Variants in POLRMT observed in about 807,000 individuals in gnomAD.
POLRMT encodes the protein RNA polymerase mitochondrial, also known as DNA-directed RNA polymerase, mitochondrial.
Under a neutral mutation model 132.2 loss-of-function variants are expected in POLRMT, and 114 were observed. That is an observed-to-expected ratio of 0.86 (90% CI 0.74 to 1.01). The LOEUF (loss-of-function observed/expected upper bound fraction) is 1.01. POLRMT is among the 50% of genes least tolerant of loss of function. POLRMT has a pLI of 0.00. For synonymous variants in POLRMT, 1,020 were observed against 773.4 expected (o/e 1.32, Z -5.29); for missense variants, 2,003 against 1,729.1 (o/e 1.16, Z -2.81).
At chr19:620,216 C>T in intron 11 of POLRMT, 136 bp from the exon 12 acceptor site, 1 of 1,457,984 alleles carries the variant, frequency 6.9e-7, no homozygotes, top group African/African-American at 1.4e-5. Flanking sequence ...CCGCACGCTC[C>T]CGGGAGAGAC....
Position 621,730 on chromosome 19 carries a change from T to G in POLRMT, c.1968A>C (p.Thr656=), listed in dbSNP as rs554189114. 6.3e-7 allele frequency: 1 copy of G among 1,599,184 alleles called. No homozygotes were observed. Among genetic ancestry groups the G allele is most frequent in the Non-Finnish European group, 8.5e-7 (1 of 1,178,284 alleles). Residue 656 remains threonine (T), a synonymous_variant, in exon 10 of 21, where the codon ACA becomes ACC. Transcript: ENST00000588649. ...GCAGGAAAGCACCAGAGTGCGGCGA[T>G]GTCCAGGGCAGCGGGGGGCAAAGCA... is the stretch of plus-strand genomic sequence containing the variant. The part of the protein sequence containing the change: ...VPMLCPPLPW[T]SPHSGAFLLS...
intron 8 of POLRMT, 44 bp downstream of exon 8, chr19:622,538 C>A (rs1330242232): frequency 6.5e-7 from 1 of 1,547,834 alleles, no homozygotes; most frequent in East Asian, 2.3e-5. Flanking sequence ...GAGCGCCCAC[C>A]CACCACTGGC....
chr19:629,462 G>A (rs1400678213), intron 3 of POLRMT, 78 bp downstream of exon 3: 2 of 1,348,024 alleles, frequency 1.5e-6, no homozygotes, highest in Non-Finnish European at 1.9e-6. Context: ...GGCTAAGAGA[G>A]AAAAGTCCAG....
chr19:617,524 G>A (rs745384049), intron 19 of POLRMT, 44 bp from the exon 20 acceptor site: 13 of 1,605,644 alleles, frequency 8.1e-6, no homozygotes, highest in Non-Finnish European at 1.1e-5. Context: ...GCCAGGTTTT[G>A]GGGTGGGGGG....
At position 624,798 on chromosome 19, in the gene POLRMT, A is replaced by G. The variant is rs765173392; in HGVS notation, c.1061T>C (p.Val354Ala). 1.2e-6 allele frequency: 2 copies of G among 1,613,408 alleles called. No homozygotes were observed. Among genetic ancestry groups the G allele is most frequent in the Admixed American group, 1.7e-5 (1 of 60,022 alleles). ...RATVLKAVHK[V>A]KPTFSLPPQL... ...CGGCGGGAGGCTGAAGGTGGGCTTC[A>G]CCTTGTGCACGGCCTTCAGAACAGT... The change falls in exon 5 of 21, where the codon GTG (valine) becomes GCG (alanine). Residue 354 changes from valine (V) to alanine (A), a missense_variant. Val to Ala is a moderately conservative substitution (Grantham distance 64, BLOSUM62 0). Coordinates refer to ENST00000588649, the MANE Select transcript of POLRMT (RefSeq NM_005035.4).
chr19:621,151 C>T lies in POLRMT; in HGVS notation c.2547G>A (p.Thr849=), dbSNP rs759825227. The change falls in exon 10 of 21, where the codon ACG becomes ACA. Residue 849 remains threonine (T), a synonymous_variant. Transcript: ENST00000588649. Reference sequence around the variant, plus strand: ...GCAGCGGCTCCCGCTTCTTCAACCCCGTGAGATTGACCAGGTGGATCTTGA... The same window carrying T: ...GCAGCGGCTCCCGCTTCTTCAACCCTGTGAGATTGACCAGGTGGATCTTGA... ...DWLKIHLVNL[T]GLKKREPLRK... is the part of the protein sequence containing the mutation. The T allele has an allele frequency of 3.1e-6, 5 of 1,610,908 alleles. No homozygotes were observed. The highest frequency in any genetic ancestry group is 1.7e-5 in the Admixed American group (1 of 59,918).
intron 3 of POLRMT, among the ~76,000 whole-genome samples, chr19:628,456 C>G (rs1397987228): frequency 2.0e-5 from 3 of 152,344 alleles, no homozygotes; most frequent in Middle Eastern, 3.4e-3. Context: ...AGACTGGCCC[C>G]ACCTGATCCT....
chr19:625,074 A>G, intron 4 of POLRMT, 50 bp downstream of exon 4: 1 of 1,579,730 alleles, frequency 6.3e-7, no homozygotes, highest in Non-Finnish European at 8.6e-7. Context: ...AGATCTTAAA[A>G]CCCTGGGAGG....
rs771984925 is a variant in POLRMT at position 621,310 on chromosome 19, C to T, written c.2388G>A (p.Leu796=). The T allele has an allele frequency of 1.9e-6, 3 of 1,599,856 alleles. No homozygotes were observed. Among genetic ancestry groups the T allele is most frequent in the Non-Finnish European group, 2.5e-6 (3 of 1,177,162 alleles). ...AQHLRDRVFW[L]PHNMDFRGRT... The stretch of plus-strand genomic sequence containing the variant: ...GGCCGCGGAAGTCCATGTTGTGCGG[C>T]AGCCAGAAGACGCGGTCCCGCAGGT... Residue 796 remains leucine (L), a synonymous_variant, in exon 10 of 21, where the codon CTG becomes CTA. Coordinates refer to ENST00000588649, the MANE Select transcript of POLRMT (RefSeq NM_005035.4).
chr19:617,425 T>C lies in POLRMT; in HGVS notation c.3637A>G (p.Lys1213Glu). 1 of 1,611,724 alleles carries C rather than the reference T, an allele frequency of 6.2e-7. No homozygotes were observed. The highest frequency in any genetic ancestry group is 8.5e-7 in the Non-Finnish European group (1 of 1,179,666). ...AGGCTGCCCACCCGCCTACCTGGCT[T>C]GGGCACCGCCTGCAGTGTCTCCTTC... is the stretch of plus-strand genomic sequence containing the variant. The part of the protein sequence containing the change: ...QLKETLQAVP[K>E]PGAFDLEQVK... Residue 1213 changes from lysine to glutamate, a missense_variant, in exon 20 of 21, where the codon AAG (lysine) becomes GAG (glutamate). Coordinates refer to ENST00000588649, the MANE Select transcript of POLRMT (RefSeq NM_005035.4).
Position 622,989 on chromosome 19 carries a change from C to T in POLRMT, c.1291-4G>A, listed in dbSNP as rs371924872. The T allele has an allele frequency of 2.7e-5, 44 of 1,611,590 alleles. No individual in the cohort carries two copies. In the African/African-American group the frequency reaches 3.3e-4, roughly 12 times the overall value. The stretch of plus-strand genomic sequence containing the variant: ...GCAGGGTCTTCAGGGTCTTCCGCTG[C>T]GGGGGATGAACGGGCCCGGTGAGCC... On this transcript the variant is annotated splice_region_variant and splice_polypyrimidine_tract_variant and intron_variant, in intron 6 of 20. Coordinates refer to ENST00000588649, the MANE Select transcript of POLRMT (RefSeq NM_005035.4).
intron 12 of POLRMT, 81 bp from the exon 13 acceptor site, chr19:619,846 C>T: frequency 6.4e-7 from 1 of 1,559,172 alleles, no homozygotes; most frequent in Non-Finnish European, 8.7e-7. Flanking sequence ...AGCCCCCGCC[C>T]CAGCCCCACC....
At chr19:618,378 C>A (rs1459170819) in intron 17 of POLRMT, 110 bp downstream of exon 17, 4 of 832,392 alleles carry the variant, frequency 4.8e-6, no homozygotes, top group Non-Finnish European at 7.5e-6. Flanking sequence ...AGCAGATCCA[C>A]TCTGCCCAGT....
chr19:623,197 A>C (rs781595330), intron 6 of POLRMT, among the ~76,000 whole-genome samples: 35 of 152,244 alleles, frequency 2.3e-4, no homozygotes, highest in Non-Finnish European at 4.4e-4. Flanking sequence ...GTGTGCGCAG[A>C]AGCACAGGCC....
At chr19:624,343 A>T (rs1984862339) in intron 5 of POLRMT, among the ~76,000 whole-genome samples, 1 of 151,934 alleles carries the variant, frequency 6.6e-6, no homozygotes, top group Non-Finnish European at 1.5e-5. Flanking sequence ...ACATTCTAGA[A>T]TTAGACAACC....
At chr19:627,214 C>T (rs375380812) in intron 3 of POLRMT, among the ~76,000 whole-genome samples, 6 of 145,190 alleles carry the variant, frequency 4.1e-5, no homozygotes, top group African/African-American at 1.3e-4. Flanking sequence ...TGCAGTGGCT[C>T]GATCTCGGCT....
chr19:618,235 C>A (rs1033986987), intron 17 of POLRMT: 2 of 552,592 alleles, frequency 3.6e-6, no homozygotes, highest in Non-Finnish European at 6.5e-6. Context: ...CATCGCGGTG[C>A]CAAGAAATGC....
At chr19:619,554 A>G (rs910183832) in intron 13 of POLRMT, 32 bp downstream of exon 13, 6 of 1,610,188 alleles carry the variant, frequency 3.7e-6, no homozygotes, top group Non-Finnish European at 4.2e-6. Flanking sequence ...CAGTGAAACC[A>G]ACGTGTTCGC....
In POLRMT at chr19:621,528, T is replaced by G. The variant is rs1219399268; in HGVS notation, c.2170A>C (p.Lys724Gln). Residue 724 changes from lysine to glutamine, a missense_variant, in exon 10 of 21, where the codon AAG becomes CAG. By Grantham distance (53) the Lys-to-Gln change is moderately conservative. Coordinates refer to ENST00000588649, the MANE Select transcript of POLRMT (RefSeq NM_005035.4). Reference sequence around the variant, plus strand: ...GGCACGCCTAGCTGGGGGCAGCCCTTGGCCTGGAAGAGCTGCAGCACCAGG... The same window carrying G: ...GGCACGCCTAGCTGGGGGCAGCCCTGGGCCTGGAAGAGCTGCAGCACCAGG... The part of the protein sequence containing the change: ...LDLVLQLFQA[K>Q]GCPQLGVPAP... 7 of 1,397,964 alleles carry G rather than the reference T, an allele frequency of 5.0e-6. No individual in the cohort carries two copies. In the African/African-American group the frequency reaches 7.6e-5, roughly 15 times the overall value. 86.6% of individuals were successfully genotyped at this position (1,397,964 alleles called of 1,614,324 possible).
Sources: allele counts gnomAD v4.1 joint callset (sites outside exome capture counted in the v4.1 genomes callset), GRCh38; gene constraint gnomAD v4.1.1; transcripts MANE v1.5; gene names NCBI Gene and HGNC (gene_info 2026-07-23, HGNC 2026-07-21).